Variants in PTPRN2 observed in about 807,000 individuals in gnomAD.
The protein encoded by PTPRN2 is receptor-type tyrosine-protein phosphatase N2.
A neutral mutation model predicts 118.8 loss-of-function variants in PTPRN2; 74 were observed. The ratio of observed to expected loss-of-function variants is 0.62; its 90% confidence interval spans 0.52 to 0.76. The LOEUF (loss-of-function observed/expected upper bound fraction) is 0.76, where lower values mean the gene tolerates loss of function less well. PTPRN2 is among the 30% of genes least tolerant of loss of function. The pLI is 0.00. For missense variants in PTPRN2, 1,481 were observed against 1,394.4 expected (o/e 1.06, Z -0.99); for synonymous variants, 641 against 608.0 (o/e 1.05, Z -0.80).
At chr7:157,776,992 T>C (rs1175263311) in intron 12 of PTPRN2, among the ~76,000 whole-genome samples, 4 of 122,326 alleles carry the variant, frequency 3.3e-5, no homozygotes, top group Admixed American at 1.6e-4. Context: ...TCCTCCTCCC[T>C]CTCCTCCTCT....
chr7:157,604,741 GGACA>G (rs558066843), intron 15 of PTPRN2, among the ~76,000 whole-genome samples: 2 of 152,312 alleles, frequency 1.3e-5, no homozygotes, highest in Admixed American at 6.5e-5. Context: ...AAACTCGCTC[GGACA>G]GACAGAGTAA....
At chr7:157,717,350 C>T (rs953249840) in intron 12 of PTPRN2, among the ~76,000 whole-genome samples, 5 of 152,228 alleles carry the variant, frequency 3.3e-5, no homozygotes, top group East Asian at 1.9e-4. Flanking sequence ...GTGGGAGCCA[C>T]GGGTGGGTAT....
chr7:158,255,115 T>C (rs1324571188), intron 3 of PTPRN2, among the ~76,000 whole-genome samples: 1 of 152,052 alleles, frequency 6.6e-6, no homozygotes, highest in African/African-American at 2.4e-5. Context: ...ACCCAAAAGC[T>C]CCCTCGCAGA....
intron 1 of PTPRN2, among the ~76,000 whole-genome samples, chr7:158,504,271 G>GT (rs1822581143): frequency 6.6e-6 from 1 of 152,112 alleles, no homozygotes; most frequent in Non-Finnish European, 1.5e-5. Context: ...GTGTGCCATG[G>GT]TGGTTTCCTG....
At chr7:157,544,526 G>A (rs558308267) in intron 22 of PTPRN2, among the ~76,000 whole-genome samples, 160 of 152,260 alleles carry the variant, frequency 1.1e-3, no homozygotes, top group African/African-American at 3.8e-3. Flanking sequence ...GGACATGCGA[G>A]GGGCCTCCCG....
intron 12 of PTPRN2, among the ~76,000 whole-genome samples, chr7:157,805,940 C>T (rs1805603648): frequency 6.6e-6 from 1 of 152,288 alleles, no homozygotes; most frequent in Admixed American, 6.5e-5. Context: ...CACACCGTGG[C>T]TGTGTGTGCA....
intron 2 of PTPRN2, among the ~76,000 whole-genome samples, chr7:158,487,070 C>T (rs4367484): frequency 0.19 from 29,177 of 152,208 alleles, 3,304 homozygotes; most frequent in East Asian, 0.41. Context: ...GCATAACAGC[C>T]TCAAGCTCCC....
At chr7:158,405,031 C>T (rs1299021046) in intron 2 of PTPRN2, among the ~76,000 whole-genome samples, 3 of 146,198 alleles carry the variant, frequency 2.1e-5, no homozygotes, top group African/African-American at 7.6e-5. Context: ...GGCCCCAGCT[C>T]CCCGGCCCCC....
chr7:158,130,951 AC>A (rs1818179670), intron 9 of PTPRN2, among the ~76,000 whole-genome samples: 1 of 151,564 alleles, frequency 6.6e-6, no homozygotes, highest in Admixed American at 6.6e-5. Flanking sequence ...ACAAACTGAC[AC>A]ATCTACCCAA....
At chr7:157,639,890 G>C (rs1804568663) in intron 14 of PTPRN2, among the ~76,000 whole-genome samples, 1 of 152,178 alleles carries the variant, frequency 6.6e-6, no homozygotes, top group Non-Finnish European at 1.5e-5. Context: ...CAGAATTGAG[G>C]CTCAAACACA....
chr7:158,289,915 G>T (rs761362358), intron 3 of PTPRN2, among the ~76,000 whole-genome samples: 3 of 152,184 alleles, frequency 2.0e-5, no homozygotes, highest in Non-Finnish European at 4.4e-5. Flanking sequence ...CACGCAGGCT[G>T]GTCCAATGCC....
chr7:158,099,825 G>A (rs1308148660), intron 10 of PTPRN2, among the ~76,000 whole-genome samples: 1 of 59,340 alleles, frequency 1.7e-5, no homozygotes, highest in Admixed American at 2.4e-4. Flanking sequence ...AACACATCCC[G>A]GCTGCCTCCT....
rs372458288 is a variant in PTPRN2, at chr7:158,089,688, T to G, written c.1644-8311A>C. Among the ~76,000 whole-genome samples, 190 of 116,770 alleles carry G rather than the reference T, an allele frequency of 1.6e-3. 1 individual carries two copies. Among genetic ancestry groups the G allele is most frequent in the Non-Finnish European group, 2.0e-3 (116 of 57,582 alleles). 76.6% of individuals were successfully genotyped at this position (116,770 alleles called of 152,430 possible). A position where few individuals can be genotyped will look rare whatever the true frequency, so the allele number is the denominator to read the frequency against. ...CTTCACACAAACCTTCTTCCCCTGA[T>G]GAAAGAGGGGGTCTTCACACACATC... is the stretch of plus-strand genomic sequence containing the variant. On this transcript the variant is annotated intron_variant, in intron 10 of 22. Coordinates refer to ENST00000389418, the MANE Select transcript of PTPRN2 (RefSeq NM_002847.5).
chr7:158,072,020 G>T (rs1216170505), intron 11 of PTPRN2, among the ~76,000 whole-genome samples: 1 of 136,660 alleles, frequency 7.3e-6, no homozygotes, highest in Admixed American at 7.3e-5. Flanking sequence ...TCGTATGGAG[G>T]TGCTCATGGT....
chr7:157,579,644 C>T (rs887328868), intron 17 of PTPRN2, among the ~76,000 whole-genome samples: 8 of 152,252 alleles, frequency 5.3e-5, no homozygotes, highest in African/African-American at 1.2e-4. Flanking sequence ...GGAAGCCGCA[C>T]TCATTGGCTC....
At chr7:158,094,376 C>G (rs1224300112) in intron 10 of PTPRN2, among the ~76,000 whole-genome samples, 1 of 152,150 alleles carries the variant, frequency 6.6e-6, no homozygotes, top group East Asian at 1.9e-4. Context: ...ATGGCGTGAT[C>G]TCGGCTCACT....
chr7:158,039,178 G>A (rs1257854256), intron 11 of PTPRN2, among the ~76,000 whole-genome samples: 1 of 152,332 alleles, frequency 6.6e-6, no homozygotes, highest in African/African-American at 2.4e-5. Flanking sequence ...AAAGGTATCT[G>A]CGTGGATAAA....
chr7:158,478,540 G>A (rs897097138), intron 2 of PTPRN2, among the ~76,000 whole-genome samples: 11 of 152,144 alleles, frequency 7.2e-5, no homozygotes, highest in African/African-American at 2.4e-4. Context: ...AAGTGGAGTG[G>A]GAATAACGCC....
In PTPRN2 at chr7:158,505,498, A is replaced by AG. The variant is rs377144283; in HGVS notation, c.113-15714dup. On this transcript the variant is annotated intron_variant, in intron 1 of 22. Coordinates refer to ENST00000389418, the MANE Select transcript of PTPRN2 (RefSeq NM_002847.5). ...GTCCAAGTCCCCCGTTCACTACCAG[A>AG]GAAAAATTAATGCAGGGCTGTCAAC... 1.3e-3 allele frequency among the ~76,000 whole-genome samples: 196 copies of AG among 152,372 alleles called. 2 individuals carry two copies. The highest frequency in any genetic ancestry group is 4.6e-3 in the African/African-American group (193 of 41,582).
Sources: gnomAD v4.1 joint callset for allele counts (sites outside exome capture counted in the v4.1 genomes callset) on GRCh38, gnomAD v4.1.1 for gene constraint, MANE v1.5 for transcripts, NCBI Gene and HGNC (gene_info 2026-07-23, HGNC 2026-07-21) for gene names.